Variants in CLDN10 observed in about 807,000 individuals in gnomAD.
CLDN10 encodes claudin 10.
In CLDN10, 15 loss-of-function variants were observed where a neutral mutation model predicts 22.9. That is an observed-to-expected ratio of 0.65 (90% confidence interval 0.44 to 1.01). The LOEUF (loss-of-function observed/expected upper bound fraction) is 1.01. CLDN10 is among the 50% of genes least tolerant of loss of function. CLDN10 has a pLI of 0.00. For missense variants in CLDN10, 247 were observed against 287.8 expected (o/e 0.86, Z 1.03); for synonymous variants, 114 against 111.4 (o/e 1.02, Z -0.15).
intron 1 of CLDN10, among the ~76,000 whole-genome samples, chr13:95,475,800 CTCTG>C (rs1304166070): frequency 6.6e-6 from 1 of 152,034 alleles, no homozygotes; most frequent in Non-Finnish European, 1.5e-5. Flanking sequence ...CTCTCTCTCT[CTCTG>C]TCTCTCTCTG....
exon 1 of CLDN10, chr13:95,433,955 C>G: frequency 6.2e-7 from 1 of 1,614,234 alleles, no homozygotes; most frequent in Non-Finnish European, 8.5e-7. Context: ...ATAACAGCCA[C>G]TTGGGTTTAC....
rs576466712 is a variant in CLDN10, at chr13:95,459,332, C to A, written c.214+25285C>A. 2.6e-5 allele frequency among the ~76,000 whole-genome samples: 4 copies of A among 152,322 alleles called. No homozygotes were observed. The South Asian group carries it at 8.3e-4, about 32-fold the overall frequency. The stretch of plus-strand genomic sequence containing the variant: ...TAGGGACTCTGTGTGGGGGCTCTGA[C>A]CCCACCTTTCCCTTCCACACTACCC... On this transcript the variant is annotated intron_variant, in intron 1 of 4. Coordinates refer to the CLDN10 transcript ENST00000376873.
intron 1 of CLDN10, chr13:95,497,151 C>A (rs1245035909): frequency 1.3e-5 from 2 of 152,040 alleles, no homozygotes; most frequent in African/African-American, 4.8e-5. Flanking sequence ...CAGCTATAAT[C>A]ATGAAATGTC....
At chr13:95,460,995 C>A (rs574151420) in intron 1 of CLDN10, among the ~76,000 whole-genome samples, 5 of 152,190 alleles carry the variant, frequency 3.3e-5, no homozygotes, top group African/African-American at 1.2e-4. Flanking sequence ...ACCTGTAATC[C>A]CAGCTACTCC....
At chr13:95,449,151 T>A (rs2042409283) in intron 1 of CLDN10, among the ~76,000 whole-genome samples, 1 of 152,208 alleles carries the variant, frequency 6.6e-6, no homozygotes, top group South Asian at 2.1e-4. Flanking sequence ...TCCTTCCAGA[T>A]CACAGACCTC....
At chr13:95,555,281 C>G (rs989410881) in intron 1 of CLDN10, among the ~76,000 whole-genome samples, 1 of 152,218 alleles carries the variant, frequency 6.6e-6, no homozygotes, top group Non-Finnish European at 1.5e-5. Context: ...CTCCTGAACT[C>G]AGGTCATCCA....
At chr13:95,548,373 G>A (rs907030637), upstream of CLDN10, among the ~76,000 whole-genome samples, 1 of 152,106 alleles carries the variant, frequency 6.6e-6, no homozygotes, top group Non-Finnish European at 1.5e-5. Context: ...AATCCACAAG[G>A]TATATGGCAC....
chr13:95,434,136 C>T, intron 1 of CLDN10: 4 of 1,170,638 alleles, frequency 3.4e-6, no homozygotes, highest in Admixed American at 1.9e-5. Context: ...TGGCTGTTAA[C>T]TCTCTGAAGA....
At chr13:95,441,080 G>T (rs956395855) in intron 1 of CLDN10, among the ~76,000 whole-genome samples, 1 of 152,172 alleles carries the variant, frequency 6.6e-6, no homozygotes, top group Admixed American at 6.5e-5. Context: ...GGCTTAGAAG[G>T]CACTCAACGA....
intron 1 of CLDN10, among the ~76,000 whole-genome samples, chr13:95,533,024 G>A (rs1443038135): frequency 6.6e-6 from 1 of 151,884 alleles, no homozygotes; most frequent in Non-Finnish European, 1.5e-5. Flanking sequence ...GAAAGATAGT[G>A]TTTGTTTCAT....
At chr13:95,513,516 C>G (rs1350140438) in intron 1 of CLDN10, among the ~76,000 whole-genome samples, 1 of 149,048 alleles carries the variant, frequency 6.7e-6, no homozygotes, top group East Asian at 1.9e-4. Flanking sequence ...CTTTCACACC[C>G]TTCTTGCTCA....
At chr13:95,464,714 A>G (rs1260804420) in intron 1 of CLDN10, among the ~76,000 whole-genome samples, 1 of 150,640 alleles carries the variant, frequency 6.6e-6, no homozygotes, top group Non-Finnish European at 1.5e-5. Context: ...GCAGTGCTGC[A>G]CATTTCAAAG....
intron 1 of CLDN10, among the ~76,000 whole-genome samples, chr13:95,520,042 G>A (rs546112870): frequency 1.1e-4 from 17 of 152,264 alleles, no homozygotes; most frequent in Middle Eastern, 3.4e-3. Context: ...ACGTGCGTAC[G>A]CGTGCATGTG....
upstream of CLDN10, among the ~76,000 whole-genome samples, chr13:95,548,784 T>A (rs528964426): frequency 1.6e-4 from 24 of 152,304 alleles, no homozygotes; most frequent in Non-Finnish European, 2.6e-4. Flanking sequence ...GAATTCAGTT[T>A]CTTCCCACCT....
In CLDN10 at chr13:95,441,064, G is replaced by C. The variant is rs1449737975; in HGVS notation, c.214+7017G>C. ...CCTGGTCTCCCCCGTACCTACTGCTGTGTCTGGCTTAGAAGGCACTCAACG... is the reference window on the plus strand; with the variant it reads ...CCTGGTCTCCCCCGTACCTACTGCTCTGTCTGGCTTAGAAGGCACTCAACG... On this transcript the variant is annotated intron_variant, in intron 1 of 4. Coordinates refer to the CLDN10 transcript ENST00000376873. 2.0e-5 allele frequency among the ~76,000 whole-genome samples: 3 copies of C among 152,214 alleles called. No homozygotes were observed. In the East Asian group the frequency reaches 5.8e-4, roughly 29 times the overall value.
intron 3 of CLDN10, among the ~76,000 whole-genome samples, chr13:95,567,974 CTTG>C (rs1388499677): frequency 1.3e-5 from 2 of 152,142 alleles, no homozygotes; most frequent in African/African-American, 4.8e-5. Flanking sequence ...TTATCTCATT[CTTG>C]TTGTCAAGTT....
At chr13:95,436,686 C>T (rs2139059330) in intron 1 of CLDN10, among the ~76,000 whole-genome samples, 1 of 152,282 alleles carries the variant, frequency 6.6e-6, no homozygotes, top group East Asian at 1.9e-4. Context: ...CACTTTGCTG[C>T]AGAAATCTGT....
At chr13:95,484,765 C>A (rs186552615) in intron 1 of CLDN10, among the ~76,000 whole-genome samples, 14 of 147,848 alleles carry the variant, frequency 9.5e-5, no homozygotes, top group East Asian at 4.1e-4. Flanking sequence ...ACTCGGGAGG[C>A]TGAGGCACAA....
chr13:95,471,149 G>A (rs1018966088), intron 1 of CLDN10, among the ~76,000 whole-genome samples: 5 of 152,164 alleles, frequency 3.3e-5, no homozygotes, highest in African/African-American at 1.2e-4. Flanking sequence ...AAGGGGAGGA[G>A]AATTTCCAGG....
Sources: allele counts gnomAD v4.1 joint callset (sites outside exome capture counted in the v4.1 genomes callset), GRCh38; gene constraint gnomAD v4.1.1; transcripts MANE v1.5; gene names NCBI Gene and HGNC (gene_info 2026-07-23, HGNC 2026-07-21).